Variants in DAB1 observed in about 807,000 individuals in gnomAD.
DAB1 encodes the protein DAB adaptor protein 1.
Under a neutral mutation model 64.6 loss-of-function variants are expected in DAB1, and 15 were observed. That is an observed-to-expected ratio of 0.23 (90% confidence interval 0.16 to 0.36). The LOEUF (loss-of-function observed/expected upper bound fraction) is 0.36, where lower values mean the gene tolerates loss of function less well. DAB1 is among the 10% of genes least tolerant of loss of function. The probability of loss-of-function intolerance (pLI) is 1.00; values close to 1 mark genes in which losing one functional copy is unlikely to be tolerated. For missense variants in DAB1, 596 were observed against 706.7 expected, an observed-to-expected ratio of 0.84 and a Z score of 1.78; for synonymous variants, 235 against 251.9, an observed-to-expected ratio of 0.93 and a Z score of 0.64.
At chr1:58,441,838 A>T (rs1051135193) in intron 3 of DAB1, among the ~76,000 whole-genome samples, 2 of 152,154 alleles carry the variant, frequency 1.3e-5, no homozygotes, top group Non-Finnish European at 2.9e-5. Context: ...GAGGAAATTA[A>T]ATTGCTCACT....
chr1:58,314,679 C>T (rs1265643591), intron 4 of DAB1, among the ~76,000 whole-genome samples: 6 of 152,142 alleles, frequency 3.9e-5, no homozygotes, highest in African/African-American at 1.2e-4. Flanking sequence ...AAATAACACA[C>T]AGCTGGTGAC....
At chr1:57,007,244 A>G (rs1014577966) in intron 14 of DAB1, among the ~76,000 whole-genome samples, 1 of 152,160 alleles carries the variant, frequency 6.6e-6, no homozygotes, top group Non-Finnish European at 1.5e-5. Flanking sequence ...ACAATTCCCC[A>G]TTGTTACAGA....
intron 4 of DAB1, among the ~76,000 whole-genome samples, chr1:58,218,898 T>C (rs1435136685): frequency 6.6e-6 from 1 of 151,770 alleles, no homozygotes; most frequent in Non-Finnish European, 1.5e-5. Flanking sequence ...TCCTTTTAGA[T>C]TGTGGGTGGT....
At chr1:57,455,566 T>C (rs1686556800) in intron 7 of DAB1, among the ~76,000 whole-genome samples, 1 of 151,974 alleles carries the variant, frequency 6.6e-6, no homozygotes, top group African/African-American at 2.4e-5. Flanking sequence ...GATAAGGGTG[T>C]CTAGAGGCAG....
At chr1:57,155,093 A>G (rs542908494) in intron 2 of DAB1, among the ~76,000 whole-genome samples, 1 of 152,192 alleles carries the variant, frequency 6.6e-6, no homozygotes, top group South Asian at 2.1e-4. Context: ...TGCCGAAGAA[A>G]TTTTTGCCCA....
At chr1:57,932,316 G>A (rs1644964783) in intron 5 of DAB1, among the ~76,000 whole-genome samples, 1 of 152,028 alleles carries the variant, frequency 6.6e-6, no homozygotes, top group South Asian at 2.1e-4. Context: ...TGCTGTTGTT[G>A]GATAAAGTAG....
At chr1:57,029,346 C>T (rs1204828695) in intron 9 of DAB1, among the ~76,000 whole-genome samples, 3 of 152,194 alleles carry the variant, frequency 2.0e-5, no homozygotes, top group African/African-American at 7.2e-5. Context: ...GATGCCCAGG[C>T]AGAAGTTTGC....
intron 7 of DAB1, among the ~76,000 whole-genome samples, chr1:57,624,016 A>T (rs935740836): frequency 3.3e-5 from 5 of 152,206 alleles, no homozygotes; most frequent in Non-Finnish European, 5.9e-5. Flanking sequence ...TTATTGTGGC[A>T]TCTGAATGAC....
intron 11 of DAB1, 98 bp downstream of exon 11, chr1:57,023,433 C>T (rs1646683744): frequency 1.4e-6 from 1 of 715,362 alleles, no homozygotes; most frequent in Admixed American, 2.1e-5. Context: ...GAGAGAACAG[C>T]AGTGTTTTAT....
chr1:58,027,748 A>C (rs964024658), intron 5 of DAB1, among the ~76,000 whole-genome samples: 1 of 152,182 alleles, frequency 6.6e-6, no homozygotes, highest in African/African-American at 2.4e-5. Flanking sequence ...TTGCATGATG[A>C]AAAAAAGATA....
intron 9 of DAB1, among the ~76,000 whole-genome samples, chr1:57,047,071 A>G (rs1648590961): frequency 6.6e-6 from 1 of 152,200 alleles, no homozygotes. Context: ...TTTGGATGAT[A>G]AACTAGGTCA....
At chr1:57,007,519 A>G (rs1168952890) in intron 14 of DAB1, among the ~76,000 whole-genome samples, 2 of 152,136 alleles carry the variant, frequency 1.3e-5, no homozygotes, top group Non-Finnish European at 2.9e-5. Context: ...GTAGGGGGAA[A>G]AAAGTGAAGT....
At chr1:58,041,311 T>C (rs1647132607) in intron 5 of DAB1, among the ~76,000 whole-genome samples, 1 of 152,204 alleles carries the variant, frequency 6.6e-6, no homozygotes, top group Admixed American at 6.5e-5. Flanking sequence ...CTGAGATTAT[T>C]GACGCTGGAG....
intron 7 of DAB1, among the ~76,000 whole-genome samples, chr1:57,520,946 A>G (rs1472262651): frequency 6.6e-6 from 1 of 152,082 alleles, no homozygotes; most frequent in Non-Finnish European, 1.5e-5. Flanking sequence ...ACGTGTGGCC[A>G]TGAAAGGTAA....
chr1:57,038,831 A>G (rs1196577396), intron 9 of DAB1, among the ~76,000 whole-genome samples: 1 of 152,170 alleles, frequency 6.6e-6, no homozygotes, highest in Non-Finnish European at 1.5e-5. Context: ...GAAGTTCGGC[A>G]TGGGGAATGT....
At chr1:57,349,871 T>G (rs1024590233) in intron 1 of DAB1, among the ~76,000 whole-genome samples, 1 of 152,214 alleles carries the variant, frequency 6.6e-6, no homozygotes, top group African/African-American at 2.4e-5. Context: ...TGTAGCCTCC[T>G]CTTTACCTCA....
intron 2 of DAB1, among the ~76,000 whole-genome samples, chr1:57,290,050 G>T (rs1027037267): frequency 2.6e-5 from 4 of 152,230 alleles, no homozygotes; most frequent in Admixed American, 2.6e-4. Flanking sequence ...CTTTCTAAGT[G>T]CTGAGACTTA....
intron 4 of DAB1, among the ~76,000 whole-genome samples, chr1:58,178,600 T>C (rs1325301038): frequency 1.3e-5 from 2 of 152,146 alleles, no homozygotes; most frequent in Non-Finnish European, 2.9e-5. Context: ...TAGCTATTAG[T>C]AGTAGTAGTA....
At chr1:57,794,376 A>T (rs952101887) in intron 6 of DAB1, among the ~76,000 whole-genome samples, 1 of 152,194 alleles carries the variant, frequency 6.6e-6, no homozygotes. Flanking sequence ...ATCCTCCAAC[A>T]CATCCTTCAG....
Sources: allele counts gnomAD v4.1 joint callset (sites outside exome capture counted in the v4.1 genomes callset), GRCh38; gene constraint gnomAD v4.1.1; transcripts MANE v1.5; gene names NCBI Gene and HGNC (gene_info 2026-07-23, HGNC 2026-07-21).